TXNDC15: variants seen among roughly 807,000 people sequenced by gnomAD.
TXNDC15 encodes thioredoxin domain containing 15.
TXNDC15 carries 24 observed loss-of-function variants against 35.0 expected under a neutral mutation model. The ratio of observed to expected loss-of-function variants is 0.68; its 90% CI spans 0.50 to 0.96. TXNDC15 has a LOEUF of 0.96. Ranked by LOEUF, TXNDC15 falls within the 40% of genes least tolerant of loss-of-function variation. The pLI, the probability that TXNDC15 is intolerant of heterozygous loss-of-function variation, is 0.00. For synonymous variants in TXNDC15, 169 were observed against 174.0 expected (o/e 0.97, Z 0.23); for missense variants, 385 against 453.3 (o/e 0.85, Z 1.37).
intron 4 of TXNDC15, 152 bp downstream of exon 4, chr5:134,896,576 G>T (rs1750491926): frequency 1.2e-6 from 1 of 815,184 alleles, no homozygotes; most frequent in Non-Finnish European, 1.9e-6. Flanking sequence ...TTATGATCCT[G>T]TTAAATACTT....
At chr5:134,874,605 C>A in intron 1 of TXNDC15, 75 bp downstream of exon 1, 1 of 1,238,994 alleles carries the variant, frequency 8.1e-7, no homozygotes, top group Non-Finnish European at 1.1e-6. Context: ...TCTGGACCTG[C>A]GCGAAGGCCG....
At chr5:134,878,055 G>A (rs951235416) in intron 1 of TXNDC15, among the ~76,000 whole-genome samples, 6 of 151,996 alleles carry the variant, frequency 3.9e-5, no homozygotes, top group Non-Finnish European at 8.8e-5. Context: ...GATTACAGGC[G>A]TGAGCCACTG....
chr5:134,890,784 C>G (rs1027061500), intron 2 of TXNDC15, among the ~76,000 whole-genome samples: 2 of 152,224 alleles, frequency 1.3e-5, no homozygotes, highest in African/African-American at 4.8e-5. Flanking sequence ...TAGCATTTTA[C>G]CCACAGTAGA....
intron 1 of TXNDC15, among the ~76,000 whole-genome samples, chr5:134,881,970 G>A (rs1313674637): frequency 2.0e-5 from 3 of 151,372 alleles, no homozygotes; most frequent in African/African-American, 7.3e-5. Context: ...CCTCCCGGAC[G>A]GGGTGGCTGC....
chr5:134,885,336 T>C (rs1750255113), intron 1 of TXNDC15, among the ~76,000 whole-genome samples: 1 of 152,234 alleles, frequency 6.6e-6, no homozygotes, highest in African/African-American at 2.4e-5. Context: ...TTAGGGTTAA[T>C]AGTGTCCCAC....
At chr5:134,893,389 C>T (rs1397097964) in intron 2 of TXNDC15, 103 bp from the exon 3 acceptor site, 2 of 1,413,084 alleles carry the variant, frequency 1.4e-6, no homozygotes, top group African/African-American at 2.8e-5. Context: ...CTCCTACCCA[C>T]CCGTTCCTCT....
chr5:134,886,299 A>T (rs928725409), intron 1 of TXNDC15, among the ~76,000 whole-genome samples: 1 of 152,202 alleles, frequency 6.6e-6, no homozygotes, highest in Non-Finnish European at 1.5e-5. Flanking sequence ...GGTCACTGAC[A>T]CTCCAGTGAC....
At chr5:134,882,486 G>T (rs569414694) in intron 1 of TXNDC15, among the ~76,000 whole-genome samples, 1 of 152,318 alleles carries the variant, frequency 6.6e-6, no homozygotes, top group African/African-American at 2.4e-5. Context: ...GGAGGCCAAG[G>T]CAGGCTGCTG....
In TXNDC15 at chr5:134,896,425, G is replaced by A; in HGVS notation, c.886+1G>A. ...AAAATCTTCATTTTTAATCAGACAG[G>A]TATGTGGAAGTAATGTGCTGAGGAA... On this transcript the variant is annotated splice_donor_variant, in intron 4 of 4. Coordinates refer to ENST00000358387, the MANE Select transcript of TXNDC15 (RefSeq NM_024715.4). LOFTEE classifies it high-confidence loss of function. 6.2e-7 allele frequency: 1 copy of A among 1,613,168 alleles called. No individual in the cohort carries two copies. The highest frequency in any genetic ancestry group is 8.5e-7 in the Non-Finnish European group (1 of 1,179,708).
At chr5:134,880,561 C>T (rs965821892) in intron 1 of TXNDC15, among the ~76,000 whole-genome samples, 2 of 151,864 alleles carry the variant, frequency 1.3e-5, no homozygotes, top group Admixed American at 6.6e-5. Flanking sequence ...CTCGGCCTCC[C>T]GAGCAGCTGG....
rs374868238 is a variant in TXNDC15, at chr5:134,884,923, C to CT, written c.104-2757dup. On this transcript the variant is annotated intron_variant, in intron 1 of 4. Transcript: ENST00000358387. ...ATATTTTAGATTCCCTATACATATT[C>CT]TTTTTTTTTTTTTTTCTGAGACGGA... 3.7e-3 allele frequency among the ~76,000 whole-genome samples: 475 copies of CT among 128,898 alleles called. 1 individual carries two copies. The highest frequency in any genetic ancestry group is 4.8e-3 in the African/African-American group (168 of 35,340). 84.6% of individuals were successfully genotyped at this position (128,898 alleles called of 152,430 possible). A position where few individuals can be genotyped will look rare whatever the true frequency, so the allele number is the denominator to read the frequency against.
intron 1 of TXNDC15, chr5:134,875,042 T>A (rs1750004132): frequency 2.3e-6 from 1 of 431,850 alleles, no homozygotes; most frequent in Non-Finnish European, 4.7e-6. Flanking sequence ...TTCTGATACG[T>A]GGCAGAAGCC....
intron 1 of TXNDC15, chr5:134,875,401 T>G (rs769970383): frequency 6.6e-6 from 3 of 456,006 alleles, no homozygotes; most frequent in South Asian, 4.6e-5. Flanking sequence ...GAAGGGTGAG[T>G]CATAGTAACA....
intron 1 of TXNDC15, among the ~76,000 whole-genome samples, chr5:134,882,281 G>A (rs1263237087): frequency 2.6e-5 from 4 of 151,758 alleles, no homozygotes; most frequent in Non-Finnish European, 5.9e-5. Flanking sequence ...TTCCTAGATG[G>A]GATGGCGGCC....
At chr5:134,882,692 C>G (rs1016914940) in intron 1 of TXNDC15, among the ~76,000 whole-genome samples, 1 of 152,132 alleles carries the variant, frequency 6.6e-6, no homozygotes, top group Admixed American at 6.5e-5. Flanking sequence ...ATACGAAAAC[C>G]AGTCAGGCGT....
chr5:134,876,448 C>T (rs1750035832), intron 1 of TXNDC15, among the ~76,000 whole-genome samples: 1 of 152,218 alleles, frequency 6.6e-6, no homozygotes, highest in Admixed American at 6.5e-5. Context: ...TCTCTCCAGA[C>T]TCTTAAGGTC....
At chr5:134,899,109 T>TA (rs1750550737) in intron 4 of TXNDC15, among the ~76,000 whole-genome samples, 1 of 152,076 alleles carries the variant, frequency 6.6e-6, no homozygotes, top group Admixed American at 6.6e-5. Context: ...AATTTAGCAT[T>TA]ACTTAACCTG....
chr5:134,899,706 G>C lies in TXNDC15; in HGVS notation c.*21G>C. 1 of 1,541,904 alleles carries C rather than the reference G, an allele frequency of 6.5e-7. No individual in the cohort carries two copies. The highest frequency in any genetic ancestry group is 1.4e-5 in the African/African-American group (1 of 71,596). ...AGTAGTGATGGTCTGAAAGAAGTTG[G>C]AAAGAGGAACTTCAATCCTTCGTTT... On this transcript the variant is annotated 3_prime_UTR_variant, in exon 5 of 5. Transcript: ENST00000358387.
chr5:134,893,753 G>T, intron 3 of TXNDC15, 98 bp downstream of exon 3: 3 of 1,486,304 alleles, frequency 2.0e-6, no homozygotes, highest in South Asian at 1.2e-5. Context: ...AAGAGGGGGG[G>T]CATGAACTGT....
Sources: gnomAD v4.1 joint callset for allele counts (sites outside exome capture counted in the v4.1 genomes callset) on GRCh38, gnomAD v4.1.1 for gene constraint, MANE v1.5 for transcripts, NCBI Gene and HGNC (gene_info 2026-07-23, HGNC 2026-07-21) for gene names.